Variants in KCNB2 observed in about 807,000 individuals in gnomAD.
The protein encoded by KCNB2 is potassium voltage-gated channel subfamily B member 2.
KCNB2 carries 15 observed loss-of-function variants against 61.5 expected under a neutral mutation model. The ratio of observed to expected loss-of-function variants is 0.24; its 90% CI spans 0.16 to 0.38. KCNB2 has a LOEUF of 0.38. Ranked by LOEUF, KCNB2 falls within the 10% of genes least tolerant of loss-of-function variation. The probability of loss-of-function intolerance (pLI) is 1.00; values close to 1 mark genes in which losing one functional copy is unlikely to be tolerated. For missense variants in KCNB2, 828 were observed against 1,125.2 expected (o/e 0.74, Z 3.78); for synonymous variants, 457 against 446.0 (o/e 1.02, Z -0.31).
At chr8:72,805,211 C>T (rs1340305239) in intron 2 of KCNB2, among the ~76,000 whole-genome samples, 1 of 152,116 alleles carries the variant, frequency 6.6e-6, no homozygotes, top group Non-Finnish European at 1.5e-5. Context: ...TAGCCAAACA[C>T]TTTACAATAA....
At chr8:72,696,734 G>T (rs1807024301) in intron 2 of KCNB2, among the ~76,000 whole-genome samples, 2 of 152,106 alleles carry the variant, frequency 1.3e-5, no homozygotes, top group Admixed American at 1.3e-4. Context: ...AAATCATTCT[G>T]CTAACTTTAG....
chr8:72,607,335 C>G, intron 2 of KCNB2, among the ~76,000 whole-genome samples: 1 of 152,016 alleles, frequency 6.6e-6, no homozygotes, highest in Non-Finnish European at 1.5e-5. Context: ...AAAGGACCAT[C>G]CTTCTCAAGA....
intron 2 of KCNB2, among the ~76,000 whole-genome samples, chr8:72,781,604 G>C (rs1808756166): frequency 6.6e-6 from 1 of 152,152 alleles, no homozygotes; most frequent in African/African-American, 2.4e-5. Context: ...TGCTGTTTTG[G>C]TTACTGTAGC....
intron 2 of KCNB2, among the ~76,000 whole-genome samples, chr8:72,850,306 A>G (rs1810078133): frequency 6.6e-6 from 1 of 150,412 alleles, no homozygotes. Context: ...TGCAACCTCC[A>G]CCTCCCAGGT....
chr8:72,600,143 C>T (rs1210364643), intron 2 of KCNB2, among the ~76,000 whole-genome samples: 3 of 152,112 alleles, frequency 2.0e-5, no homozygotes, highest in Non-Finnish European at 4.4e-5. Flanking sequence ...CACATGCACA[C>T]GTATGTTTAT....
At chr8:72,749,714 T>A (rs890527308) in intron 2 of KCNB2, among the ~76,000 whole-genome samples, 2 of 146,588 alleles carry the variant, frequency 1.4e-5, no homozygotes, top group African/African-American at 5.0e-5. Flanking sequence ...AAAAAAGTAA[T>A]ATATATATAT....
At chr8:72,856,557 G>A (rs1216378100) in intron 2 of KCNB2, among the ~76,000 whole-genome samples, 3 of 152,164 alleles carry the variant, frequency 2.0e-5, no homozygotes. Context: ...GGTTTTCTAT[G>A]TTGATGGGAT....
rs150095316 is a variant in KCNB2, at chr8:72,542,218, G to A, written c.-94+4333G>A. On this transcript the variant is annotated intron_variant, in intron 1 of 2. Coordinates refer to ENST00000523207, the MANE Select transcript of KCNB2 (RefSeq NM_004770.3). The stretch of plus-strand genomic sequence containing the variant: ...CCAGATTAAATTTGAAAGCTAAAAT[G>A]ATTAAATATTGCCTGCAGGAAGCCA... Among the ~76,000 whole-genome samples the A allele has an allele frequency of 3.5e-3, 528 of 152,222 alleles. 1 individual carries two copies. The highest frequency in any genetic ancestry group is 5.6e-3 in the Non-Finnish European group (384 of 67,980).
chr8:72,710,312 C>T (rs890855572), intron 2 of KCNB2, among the ~76,000 whole-genome samples: 1 of 152,116 alleles, frequency 6.6e-6, no homozygotes, highest in Non-Finnish European at 1.5e-5. Flanking sequence ...TAATACTTTG[C>T]AATTCTACTT....
chr8:72,769,174 G>GA (rs1161809340), intron 2 of KCNB2, among the ~76,000 whole-genome samples: 2 of 151,146 alleles, frequency 1.3e-5, no homozygotes, highest in South Asian at 2.1e-4. Flanking sequence ...AAAAGAGAAA[G>GA]AAAAAAAAGA....
Position 72,936,776 on chromosome 8 carries a change from A to T in KCNB2, c.1421A>T (p.Glu474Val). 1 of 1,614,188 alleles carries T rather than the reference A, an allele frequency of 6.2e-7. No individual in the cohort carries two copies. The highest frequency in any genetic ancestry group is 8.5e-7 in the Non-Finnish European group (1 of 1,180,026). Reference sequence around the variant, plus strand: ...GATGTGGCTGTTGAGAAGGCCGGAGAGTCCGCCAACACAAAGGACTCCGCC... The same window carrying T: ...GATGTGGCTGTTGAGAAGGCCGGAGTGTCCGCCAACACAAAGGACTCCGCC... Reference protein sequence around the residue: ...LIDVAVEKAGESANTKDSADD... With the variant: ...LIDVAVEKAGVSANTKDSADD... Residue 474 changes from glutamate to valine, a missense_variant, in exon 3 of 3, where the codon GAG (glutamate) becomes GTG (valine). Physicochemically the swap from Glu to Val is moderately radical, Grantham distance 121. Transcript: ENST00000523207. The surrounding 1 kb of genome is among the most constrained non-coding windows in gnomAD (Gnocchi z 5.6).
chr8:72,896,785 A>C (rs1467045800), intron 2 of KCNB2, among the ~76,000 whole-genome samples: 1 of 152,168 alleles, frequency 6.6e-6, no homozygotes, highest in Non-Finnish European at 1.5e-5. Flanking sequence ...GTTCTTCTAC[A>C]TCTAGGCTCT....
At chr8:72,794,837 A>G (rs1411286857) in intron 2 of KCNB2, among the ~76,000 whole-genome samples, 1 of 152,218 alleles carries the variant, frequency 6.6e-6, no homozygotes, top group African/African-American at 2.4e-5. Flanking sequence ...GCTTAAGAGT[A>G]TCTGGAGAGA....
rs1805497868 is a variant in KCNB2 at position 72,609,010 on chromosome 8, T to C, written c.579+40697T>C. On this transcript the variant is annotated intron_variant, in intron 2 of 2. Transcript: ENST00000523207. Reference sequence around the variant, plus strand: ...TAATTTTCTATGATGAAGTATAATCTTAGGCACAAGTGATGTAGTGGGGAG... The same window carrying C: ...TAATTTTCTATGATGAAGTATAATCCTAGGCACAAGTGATGTAGTGGGGAG... Among the ~76,000 whole-genome samples, 11 of 152,206 alleles carry C rather than the reference T, an allele frequency of 7.2e-5. 1 individual carries two copies. Among genetic ancestry groups the C allele is most frequent in the Admixed American group, 7.2e-4 (11 of 15,278 alleles).
chr8:72,867,633 A>G (rs1805549730), intron 2 of KCNB2, among the ~76,000 whole-genome samples: 1 of 152,240 alleles, frequency 6.6e-6, no homozygotes, highest in African/African-American at 2.4e-5. Flanking sequence ...TTTGTCATGA[A>G]TATAACTAGT....
chr8:72,904,540 A>G (rs1406798269), intron 2 of KCNB2, among the ~76,000 whole-genome samples: 2 of 152,168 alleles, frequency 1.3e-5, no homozygotes, highest in Non-Finnish European at 2.9e-5. Flanking sequence ...TTTAAAAAAG[A>G]AAAAGAACAA....
intron 2 of KCNB2, among the ~76,000 whole-genome samples, chr8:72,824,235 G>A (rs1022375853): frequency 6.6e-6 from 1 of 152,028 alleles, no homozygotes; most frequent in Non-Finnish European, 1.5e-5. Flanking sequence ...TCCTGTATCC[G>A]TTCTGCAGGA....
Position 72,830,302 on chromosome 8 carries a change from C to CT in KCNB2, c.580-105629dup, listed in dbSNP as rs1373820363. On this transcript the variant is annotated intron_variant, in intron 2 of 2. Transcript: ENST00000523207. Reference sequence around the variant, plus strand: ...AGAGAAGGAGAGAAGGAGACCTCAGCTTTTCTATCCAGACGATTATCCTCA... The same window carrying CT: ...AGAGAAGGAGAGAAGGAGACCTCAGCTTTTTCTATCCAGACGATTATCCTCA... Among the ~76,000 whole-genome samples, 4 of 150,010 alleles carry CT rather than the reference C, an allele frequency of 2.7e-5. 1 individual carries two copies.
intron 2 of KCNB2, among the ~76,000 whole-genome samples, chr8:72,689,413 A>C (rs1374511153): frequency 6.6e-6 from 1 of 152,242 alleles, no homozygotes; most frequent in Non-Finnish European, 1.5e-5. Context: ...TTAAATTTAC[A>C]AATCATAAAA....
Sources: allele counts gnomAD v4.1 joint callset (sites outside exome capture counted in the v4.1 genomes callset), GRCh38; gene constraint gnomAD v4.1.1; non-coding constraint Gnocchi (gnomAD v3.1); transcripts MANE v1.5; gene names NCBI Gene and HGNC (gene_info 2026-07-23, HGNC 2026-07-21).